The following USP32 variants were observed in gnomAD, a reference collection of about 807,000 sequenced individuals.
USP32 encodes the protein ubiquitin carboxyl-terminal hydrolase 32.
A neutral mutation model predicts 204.8 loss-of-function variants in USP32; 59 were observed. That is an observed-to-expected ratio of 0.29 (90% confidence interval 0.23 to 0.36). USP32 has a LOEUF of 0.36. Ranked by LOEUF, USP32 falls within the 10% of genes least tolerant of loss-of-function variation. The pLI, the probability that USP32 is intolerant of heterozygous loss-of-function variation, is 1.00. For synonymous variants in USP32, 517 were observed against 678.4 expected (o/e 0.76, Z 3.70); for missense variants, 1,160 against 1,946.4 (o/e 0.60, Z 7.60).
chr17:60,361,338 G>A (rs1240441447), intron 1 of USP32, among the ~76,000 whole-genome samples: 1 of 152,054 alleles, frequency 6.6e-6, no homozygotes, highest in East Asian at 1.9e-4. Flanking sequence ...ACAGCGGTTA[G>A]CATATAATAC....
At chr17:60,248,849 A>C (rs1179499771) in intron 11 of USP32, among the ~76,000 whole-genome samples, 1 of 152,124 alleles carries the variant, frequency 6.6e-6, no homozygotes, top group Non-Finnish European at 1.5e-5. Flanking sequence ...TTTTCCTCGT[A>C]TATGGGTCAC....
intron 2 of USP32, 39 bp from the exon 3 acceptor site, chr17:60,301,743 C>T: frequency 6.9e-7 from 1 of 1,440,730 alleles, no homozygotes; most frequent in Non-Finnish European, 9.5e-7. Context: ...GGAGGCATTT[C>T]AGTTGTTGAG....
At chr17:60,226,265 G>A in intron 12 of USP32, 34 bp from the exon 13 acceptor site, 1 of 1,498,148 alleles carries the variant, frequency 6.7e-7, no homozygotes, top group Non-Finnish European at 8.9e-7. Context: ...AAGAAGCAAA[G>A]TTTATAATCT....
At position 60,255,184 on chromosome 17, in the gene USP32, G is replaced by A. The variant is rs375339995; in HGVS notation, c.1065C>T (p.Leu355=). Residue 355 remains leucine, a synonymous_variant, in exon 10 of 34, where the codon CTC becomes CTT. Transcript: ENST00000300896. Reference sequence around the variant, plus strand: ...TTTACCTTAAACATACCTGGAAAAGGAGGTTCAAAAACTCATTGGCAAGAA... The same window carrying A: ...TTTACCTTAAACATACCTGGAAAAGAAGGTTCAAAAACTCATTGGCAAGAA... The part of the protein sequence containing the change: ...KNVLANEFLN[L]LFQVCHIVLG... The A allele has an allele frequency of 1.2e-6, 2 of 1,611,892 alleles. No individual in the cohort carries two copies. The highest frequency in any genetic ancestry group is 1.3e-5 in the African/African-American group (1 of 74,688).
chr17:60,269,669 T>C, intron 6 of USP32, 112 bp from the exon 7 acceptor site: 1 of 764,686 alleles, frequency 1.3e-6, no homozygotes, highest in Non-Finnish European at 2.0e-6. Context: ...GAATTTTTTT[T>C]TAAGTTTATT....
intron 1 of USP32, among the ~76,000 whole-genome samples, chr17:60,352,852 T>A (rs1029578707): frequency 6.6e-5 from 10 of 152,128 alleles, no homozygotes; most frequent in African/African-American, 2.4e-4. Flanking sequence ...GAAGGCAGAT[T>A]CAAGAGATAA....
chr17:60,322,654 T>C (rs2088142058), intron 2 of USP32, among the ~76,000 whole-genome samples: 1 of 152,216 alleles, frequency 6.6e-6, no homozygotes, highest in Non-Finnish European at 1.5e-5. Flanking sequence ...CCCTGGGTTC[T>C]AGACTTGGAG....
intron 28 of USP32, among the ~76,000 whole-genome samples, chr17:60,192,001 T>C (rs576936607): frequency 7.2e-6 from 1 of 139,178 alleles, no homozygotes; most frequent in South Asian, 2.1e-4. Flanking sequence ...GGCAAACTTA[T>C]ATTTAACGAG....
intron 19 of USP32, 149 bp from the exon 20 acceptor site, chr17:60,211,663 G>A (rs150758833): frequency 1.1e-5 from 14 of 1,293,844 alleles, no homozygotes; most frequent in Non-Finnish European, 1.3e-5. Context: ...TGAAATGCTA[G>A]AGAAGGCTTT....
At chr17:60,355,313 T>G (rs2089041593) in intron 1 of USP32, among the ~76,000 whole-genome samples, 1 of 152,134 alleles carries the variant, frequency 6.6e-6, no homozygotes, top group South Asian at 2.1e-4. Context: ...CAAGTCAACT[T>G]TCATAGGTGA....
In USP32 at chr17:60,222,558, G is replaced by C; in HGVS notation, c.1609-9C>G. ...AGTGTTAATGATGTAGCCTGAGAAA[G>C]AATAGAATGACAATGTTGACTTTCA... On this transcript the variant is annotated splice_polypyrimidine_tract_variant and intron_variant, in intron 14 of 33. Transcript: ENST00000300896. 6.2e-7 allele frequency: 1 copy of C among 1,610,384 alleles called. No individual in the cohort carries two copies. Among genetic ancestry groups the C allele is most frequent in the African/African-American group, 1.3e-5 (1 of 74,848 alleles).
intron 16 of USP32, among the ~76,000 whole-genome samples, chr17:60,218,687 T>C (rs1306071615): frequency 6.6e-6 from 1 of 152,016 alleles, no homozygotes; most frequent in African/African-American, 2.4e-5. Context: ...CACTGCAACC[T>C]CCACCTCCTG....
chr17:60,409,277 G>A (rs761526468), intron 1 of USP32, among the ~76,000 whole-genome samples: 2 of 152,194 alleles, frequency 1.3e-5, no homozygotes, highest in East Asian at 3.8e-4. Flanking sequence ...GAACCTAGGA[G>A]GCGGAGGTTG....
In USP32 at chr17:60,220,060, A is replaced by C. The variant is rs553008172; in HGVS notation, c.1750-273T>G. ...GTAACAACACTGAGGAAAAAAAAAA[A>C]CCCTAAGTATTATCTATAATTCTAC... On this transcript the variant is annotated intron_variant, in intron 15 of 33. Transcript: ENST00000300896. Among the ~76,000 whole-genome samples the C allele has an allele frequency of 2.1e-3, 318 of 151,572 alleles. 2 individuals carry two copies. Among genetic ancestry groups the C allele is most frequent in the African/African-American group, 7.3e-3 (304 of 41,436 alleles).
Position 60,226,050 on chromosome 17 carries a change from G to A in USP32, c.1421C>T (p.Thr474Ile), listed in dbSNP as rs1371966632. 1 of 1,603,602 alleles carries A rather than the reference G, an allele frequency of 6.2e-7. No homozygotes were observed. The highest frequency in any genetic ancestry group is 2.3e-5 in the East Asian group (1 of 44,094). The change falls in exon 13 of 34, where the codon ACT becomes ATT. Residue 474 changes from threonine (T) to isoleucine (I), a missense_variant. By Grantham distance (89) the Thr-to-Ile change is moderately conservative. Around this residue, in one of 8 missense-constraint regions of USP32, gnomAD observed 536 missense variants for 680.9 expected, o/e 0.79. Coordinates refer to ENST00000300896, the MANE Select transcript of USP32 (RefSeq NM_032582.4). ...TAGGTCATATTTACCGCTGCCAGCA[G>A]TTTCTGAGGCTTCAGATGCAGTAGA... The part of the protein sequence containing the change: ...NISTASEASE[T>I]AGSGFLYSAT...
In USP32 at chr17:60,357,895, A is replaced by G. The variant is rs1400755350; in HGVS notation, c.59-12287T>C. ...GCAGTTCTCCTGCCTCAGCATCCCA[A>G]GTAACTGGGATTACAGGCATGTGCC... On this transcript the variant is annotated intron_variant, in intron 1 of 33. Coordinates refer to ENST00000300896, the MANE Select transcript of USP32 (RefSeq NM_032582.4). Among the ~76,000 whole-genome samples the G allele has an allele frequency of 2.0e-5, 3 of 152,098 alleles. No individual in the cohort carries two copies. In the East Asian group the frequency reaches 5.8e-4, roughly 29 times the overall value.
At chr17:60,389,943 G>A (rs1291819599) in intron 1 of USP32, among the ~76,000 whole-genome samples, 1 of 151,992 alleles carries the variant, frequency 6.6e-6, no homozygotes, top group African/African-American at 2.4e-5. Flanking sequence ...CGTGAACCCG[G>A]GAGGCGGGGC....
intron 13 of USP32, among the ~76,000 whole-genome samples, chr17:60,225,838 C>T (rs1261589094): frequency 3.3e-5 from 5 of 151,862 alleles, no homozygotes; most frequent in African/African-American, 7.3e-5. Flanking sequence ...CCTGTAATCG[C>T]AGCTACTCAG....
At chr17:60,386,867 T>C (rs1166576706) in intron 1 of USP32, among the ~76,000 whole-genome samples, 1 of 152,178 alleles carries the variant, frequency 6.6e-6, no homozygotes, top group African/African-American at 2.4e-5. Flanking sequence ...ACAGTGAAAT[T>C]AGTGAAACAG....
Sources: allele counts gnomAD v4.1 joint callset (sites outside exome capture counted in the v4.1 genomes callset), GRCh38; gene constraint gnomAD v4.1.1; regional missense constraint gnomAD v4.1.1; transcripts MANE v1.5; gene names NCBI Gene and HGNC (gene_info 2026-07-23, HGNC 2026-07-21).